Variants in ARHGAP25 observed in about 807,000 individuals in gnomAD.
ARHGAP25 encodes the protein Rho GTPase activating protein 25.
In ARHGAP25, 34 loss-of-function variants were observed where a neutral mutation model predicts 71.0. That is an observed-to-expected ratio of 0.48 (90% CI 0.36 to 0.64). The LOEUF (loss-of-function observed/expected upper bound fraction) is 0.64. Among genes scored for constraint, ARHGAP25 ranks in the 30% least tolerant of loss-of-function variants. ARHGAP25 has a pLI of 0.00. For synonymous variants in ARHGAP25, 282 were observed against 296.5 expected, an observed-to-expected ratio of 0.95 and a Z score of 0.50; for missense variants, 706 against 805.1, an observed-to-expected ratio of 0.88 and a Z score of 1.49.
At chr2:68,717,904 G>GT (rs1442647841) in intron 2 of ARHGAP25, among the ~76,000 whole-genome samples, 1 of 152,084 alleles carries the variant, frequency 6.6e-6, no homozygotes, top group African/African-American at 2.4e-5. Flanking sequence ...AAAGAGCTCT[G>GT]TTTTTTCTTT....
chr2:68,801,061 C>T (rs561430371), intron 4 of ARHGAP25, among the ~76,000 whole-genome samples: 35 of 151,980 alleles, frequency 2.3e-4, no homozygotes, highest in Admixed American at 3.3e-4. Flanking sequence ...ATTCCAAACT[C>T]CTCATGTGAT....
At chr2:68,804,057 A>T (rs140241176) in intron 4 of ARHGAP25, among the ~76,000 whole-genome samples, 2 of 152,304 alleles carry the variant, frequency 1.3e-5, no homozygotes, top group East Asian at 3.9e-4. Context: ...GGTCAGATTA[A>T]TATTGAAAGG....
rs111862772 is a variant in ARHGAP25, at chr2:68,722,577, GA to G, written c.-18+11894del. Among the ~76,000 whole-genome samples the G allele has an allele frequency of 1.3e-3, 184 of 137,570 alleles. 1 individual carries two copies. Among genetic ancestry groups the G allele is most frequent in the African/African-American group, 1.5e-3 (55 of 37,502 alleles). The allele number at this position is 137,570 out of a possible 152,430, so 90.3% of individuals were successfully genotyped here. Reference sequence around the variant, plus strand: ...TGGATGACAGAGCGAGACCCTGTCTGAAAAAAAAAAAAAAAGAATTTGCTAC... The same window carrying G: ...TGGATGACAGAGCGAGACCCTGTCTGAAAAAAAAAAAAAAGAATTTGCTAC... On this transcript the variant is annotated intron_variant and NMD_transcript_variant, in intron 2 of 7. Coordinates refer to the ARHGAP25 transcript ENST00000463483.
At chr2:68,796,797 G>T (rs746512898) in intron 4 of ARHGAP25, among the ~76,000 whole-genome samples, 1 of 152,154 alleles carries the variant, frequency 6.6e-6, no homozygotes, top group Non-Finnish European at 1.5e-5. Flanking sequence ...GGCTTTTTTG[G>T]ATGCTGATTG....
chr2:68,775,687 T>C, intron 2 of ARHGAP25: 1 of 614,204 alleles, frequency 1.6e-6, no homozygotes, highest in Non-Finnish European at 3.0e-6. Flanking sequence ...AGGGCGGTGA[T>C]GGTAGTGACA....
chr2:68,810,505 T>C (rs139040818), intron 5 of ARHGAP25, among the ~76,000 whole-genome samples: 66 of 152,322 alleles, frequency 4.3e-4, no homozygotes, highest in African/African-American at 1.5e-3. Context: ...CTGGGAAGCT[T>C]TCTGTAAGTT....
chr2:68,745,568 T>A (rs761289205), intron 1 of ARHGAP25, among the ~76,000 whole-genome samples: 2 of 152,220 alleles, frequency 1.3e-5, no homozygotes, highest in Non-Finnish European at 2.9e-5. Context: ...ACCTTCTTAG[T>A]GCCTGTAACT....
At chr2:68,717,182 G>C (rs1674632805) in intron 2 of ARHGAP25, among the ~76,000 whole-genome samples, 1 of 152,192 alleles carries the variant, frequency 6.6e-6, no homozygotes, top group Non-Finnish European at 1.5e-5. Context: ...ACAGTGGTAA[G>C]TATTTGTGCA....
intron 2 of ARHGAP25, among the ~76,000 whole-genome samples, chr2:68,724,467 G>A (rs1183337271): frequency 6.6e-6 from 1 of 152,204 alleles, no homozygotes; most frequent in Non-Finnish European, 1.5e-5. Flanking sequence ...TCTGTGGGAT[G>A]CTAAGAGGAT....
chr2:68,746,703 A>AAC (rs756416424), intron 1 of ARHGAP25, among the ~76,000 whole-genome samples: 1 of 139,660 alleles, frequency 7.2e-6, no homozygotes, highest in Non-Finnish European at 1.6e-5. Context: ...GACAGGGACC[A>AAC]CCCCCCTCCC....
intron 1 of ARHGAP25, among the ~76,000 whole-genome samples, chr2:68,769,657 G>T (rs6757505): frequency 0.83 from 126,782 of 152,104 alleles, 53,248 homozygotes; most frequent in African/African-American, 0.88. Flanking sequence ...ACGATACACA[G>T]GTGTCTCCAC....
intron 2 of ARHGAP25, among the ~76,000 whole-genome samples, chr2:68,777,258 C>G (rs1308343324): frequency 6.6e-6 from 1 of 152,142 alleles, no homozygotes; most frequent in East Asian, 1.9e-4. Context: ...GAGTGTGTTT[C>G]CATGAAGTGT....
chr2:68,751,639 CA>C (rs1242027825), intron 1 of ARHGAP25, among the ~76,000 whole-genome samples: 1 of 152,156 alleles, frequency 6.6e-6, no homozygotes, highest in Non-Finnish European at 1.5e-5. Context: ...TCAGTAAGCC[CA>C]AAACCCTCTA....
intron 4 of ARHGAP25, among the ~76,000 whole-genome samples, chr2:68,798,553 C>G (rs1679741423): frequency 6.7e-6 from 1 of 149,918 alleles, no homozygotes; most frequent in South Asian, 2.1e-4. Flanking sequence ...TCTCAAAGAG[C>G]TCACAAGCTA....
chr2:68,734,942 T>C lies in ARHGAP25; in HGVS notation c.-258T>C. 1.8e-6 allele frequency: 1 copy of C among 565,704 alleles called. No individual in the cohort carries two copies. The highest frequency in any genetic ancestry group is 3.1e-6 in the Non-Finnish European group (1 of 318,466). The allele number at this position is 565,704 out of a possible 1,614,324, so 35.0% of individuals were successfully genotyped here. The stretch of plus-strand genomic sequence containing the variant: ...ACTGAAAGCAAGAAAAGCAGGGTGC[T>C]AGCCCCTGTGGGACTGAGGGTGGAG... On this transcript the variant is annotated 5_prime_UTR_variant, in exon 1 of 11. It removes the in-frame stop codon of an upstream open reading frame in the 5' UTR. Transcript: ENST00000409202.
At chr2:68,774,683 C>T in intron 1 of ARHGAP25, 1 of 944,420 alleles carries the variant, frequency 1.1e-6, no homozygotes, top group South Asian at 4.2e-5. Flanking sequence ...AGGGGGCCTG[C>T]GTTCCACAGC....
chr2:68,776,702 G>A (rs537726842), intron 2 of ARHGAP25, among the ~76,000 whole-genome samples: 1 of 152,118 alleles, frequency 6.6e-6, no homozygotes, highest in Non-Finnish European at 1.5e-5. Flanking sequence ...GATGTCTCAG[G>A]GCATCCAGCA....
intron 1 of ARHGAP25, among the ~76,000 whole-genome samples, chr2:68,747,405 G>A (rs72894000): frequency 0.027 from 4,124 of 152,260 alleles, 210 homozygotes; most frequent in African/African-American, 0.095. Context: ...CATAGTGACA[G>A]CAAAGCATTA....
chr2:68,775,351 G>A lies in ARHGAP25; in HGVS notation c.192G>A (p.Gln64=), dbSNP rs369463181. The change falls in exon 2 of 11, where the codon CAG becomes CAA. Residue 64 remains glutamine, a synonymous_variant. Coordinates refer to ENST00000409202, the MANE Select transcript of ARHGAP25 (RefSeq NM_001007231.3). ...KKQRSIVKNW[Q]QRYFVLRAQQ... is the part of the protein sequence containing the mutation. ...AGAGGTCCATCGTGAAGAACTGGCA[G>A]CAGAGGTACTTTGTGCTGAGGGCGC... The A allele has an allele frequency of 2.5e-6, 4 of 1,614,122 alleles. No individual in the cohort carries two copies. In the African/African-American group the frequency reaches 5.3e-5, roughly 22 times the overall value.
Sources: allele counts gnomAD v4.1 joint callset (sites outside exome capture counted in the v4.1 genomes callset), GRCh38; gene constraint gnomAD v4.1.1; transcripts MANE v1.5; gene names NCBI Gene and HGNC (gene_info 2026-07-23, HGNC 2026-07-21).